The following PCDHA6 variants were observed in gnomAD, a reference collection of about 807,000 sequenced individuals.
PCDHA6 encodes the protein protocadherin alpha-6.
Under a neutral mutation model 60.3 loss-of-function variants are expected in PCDHA6, and 55 were observed. That is an observed-to-expected ratio of 0.91 (90% CI 0.73 to 1.14). PCDHA6 has a LOEUF of 1.14. Among genes scored for constraint, PCDHA6 ranks in the 50% most tolerant of loss-of-function variants. The pLI is 0.00. For synonymous variants in PCDHA6, 652 were observed against 557.9 expected, an observed-to-expected ratio of 1.17 and a Z score of -2.38; for missense variants, 1,327 against 1,256.5, an observed-to-expected ratio of 1.06 and a Z score of -0.85.
At chr5:140,995,390 C>A (rs1198231096) in intron 3 of PCDHA6, among the ~76,000 whole-genome samples, 1 of 152,088 alleles carries the variant, frequency 6.6e-6, no homozygotes, top group Non-Finnish European at 1.5e-5. Flanking sequence ...CAGGATAAAG[C>A]GGGATGGCTC....
At chr5:140,836,193 A>T (rs1774273849) in intron 1 of PCDHA6, 10 of 1,613,716 alleles carry the variant, frequency 6.2e-6, no homozygotes, top group Non-Finnish European at 8.5e-6. Context: ...CTCAGGCTAC[A>T]ACGCGTGGCT....
chr5:140,835,557 C>T, intron 1 of PCDHA6: 2 of 1,613,936 alleles, frequency 1.2e-6, no homozygotes, highest in Admixed American at 1.7e-5. Context: ...CCTGACGCCC[C>T]GCGTTCCCTT....
intron 1 of PCDHA6, among the ~76,000 whole-genome samples, chr5:140,893,569 A>G (rs750933580): frequency 3.3e-5 from 5 of 152,120 alleles, no homozygotes; most frequent in Non-Finnish European, 7.4e-5. Flanking sequence ...GTACTTCCTC[A>G]GTTTTTGCTT....
chr5:140,970,019 A>G (rs1385793747), intron 1 of PCDHA6, among the ~76,000 whole-genome samples: 2 of 152,212 alleles, frequency 1.3e-5, no homozygotes, highest in Non-Finnish European at 2.9e-5. Context: ...ATGGTGAGGC[A>G]GAGAGATTAA....
intron 1 of PCDHA6, among the ~76,000 whole-genome samples, chr5:140,926,017 G>C (rs1222079500): frequency 2.0e-5 from 3 of 152,050 alleles, no homozygotes; most frequent in African/African-American, 7.2e-5. Context: ...GCCAGAGTCC[G>C]GAGGCAGTTT....
At chr5:140,948,856 ATATTACTTCGGGTTTACTTT>A (rs1364138889) in intron 1 of PCDHA6, among the ~76,000 whole-genome samples, 11 of 151,588 alleles carry the variant, frequency 7.3e-5, no homozygotes, top group African/African-American at 2.7e-4. Context: ...TTGCCTTCTT[ATATTACTTCGGGTTTACTTT>A]GCTCTCTTTT....
chr5:140,834,687 T>C, intron 1 of PCDHA6: 2 of 1,614,150 alleles, frequency 1.2e-6, no homozygotes, highest in Non-Finnish European at 1.7e-6. Flanking sequence ...GAGCGCGGAG[T>C]GCAGCATCCA....
At chr5:140,834,851 C>G (rs2150227943) in intron 1 of PCDHA6, 1 of 1,610,676 alleles carries the variant, frequency 6.2e-7, no homozygotes. Context: ...CACTAGAGGG[C>G]GCGTCCGATG....
chr5:140,937,785 G>T (rs962276976), intron 1 of PCDHA6, among the ~76,000 whole-genome samples: 2 of 150,438 alleles, frequency 1.3e-5, no homozygotes, highest in African/African-American at 4.9e-5. Flanking sequence ...GGTGGCGGGC[G>T]TATGTAGTCC....
At chr5:140,914,097 A>G (rs191641220) in intron 1 of PCDHA6, among the ~76,000 whole-genome samples, 38 of 152,298 alleles carry the variant, frequency 2.5e-4, no homozygotes, top group Admixed American at 9.2e-4. Flanking sequence ...AATTTGTTCT[A>G]TAGTGCAGAT....
At chr5:140,889,387 C>G (rs1174974313) in intron 1 of PCDHA6, among the ~76,000 whole-genome samples, 1 of 151,966 alleles carries the variant, frequency 6.6e-6, no homozygotes, top group East Asian at 1.9e-4. Context: ...AAGGACCATT[C>G]AGAGTTTAAT....
intron 1 of PCDHA6, among the ~76,000 whole-genome samples, chr5:140,920,549 G>A (rs957534849): frequency 2.6e-5 from 4 of 152,120 alleles, no homozygotes; most frequent in Non-Finnish European, 5.9e-5. Flanking sequence ...TTTCACCTTC[G>A]AAGTGTGGCC....
intron 1 of PCDHA6, chr5:140,883,818 T>A (rs1349664661): frequency 6.2e-7 from 1 of 1,612,072 alleles, no homozygotes; most frequent in African/African-American, 1.3e-5. Flanking sequence ...AGCGGCAAGG[T>A]GTACGCGCTG....
chr5:140,828,253 G>A lies in PCDHA6; in HGVS notation c.162G>A (p.Leu54=). The A allele has an allele frequency of 6.2e-7, 1 of 1,613,994 alleles. No homozygotes were observed. Residue 54 remains leucine (L), a synonymous_variant, in exon 1 of 4, where the codon CTG becomes CTA. Coordinates refer to ENST00000529310, the MANE Select transcript of PCDHA6 (RefSeq NM_018909.4). ...FVGRIAQDLG[L]ELAELVPRLF... Reference sequence around the variant, plus strand: ...GCCGGATCGCGCAGGACCTGGGGCTGGAGCTGGCGGAGCTGGTGCCGCGCC... The same window carrying A: ...GCCGGATCGCGCAGGACCTGGGGCTAGAGCTGGCGGAGCTGGTGCCGCGCC...
intron 1 of PCDHA6, among the ~76,000 whole-genome samples, chr5:140,924,841 G>C (rs891279703): frequency 1.1e-4 from 17 of 151,378 alleles, no homozygotes; most frequent in South Asian, 2.1e-4. Context: ...GTTGCAGGGA[G>C]CTCAGATCGT....
chr5:140,936,545 G>A (rs1456098221), intron 1 of PCDHA6, among the ~76,000 whole-genome samples: 1 of 152,202 alleles, frequency 6.6e-6, no homozygotes, highest in African/African-American at 2.4e-5. Context: ...ATAGTGCAAT[G>A]TAGAAGTCAA....
chr5:140,955,698 T>C (rs1295764352), intron 1 of PCDHA6, among the ~76,000 whole-genome samples: 2 of 152,218 alleles, frequency 1.3e-5, no homozygotes, highest in South Asian at 2.1e-4. Context: ...TGAATGTCAA[T>C]GGAAGTTTAA....
chr5:140,944,999 G>A (rs2093721816), intron 1 of PCDHA6, among the ~76,000 whole-genome samples: 1 of 151,896 alleles, frequency 6.6e-6, no homozygotes, highest in Non-Finnish European at 1.5e-5. Context: ...TAACGGTTGT[G>A]GGTCATGAAT....
At chr5:140,880,586 G>C (rs1212732393) in intron 1 of PCDHA6, among the ~76,000 whole-genome samples, 1 of 152,206 alleles carries the variant, frequency 6.6e-6, no homozygotes, top group African/African-American at 2.4e-5. Context: ...AGAGGAAAGA[G>C]AATATGGAAG....
Sources: allele counts gnomAD v4.1 joint callset (sites outside exome capture counted in the v4.1 genomes callset), GRCh38; gene constraint gnomAD v4.1.1; transcripts MANE v1.5; gene names NCBI Gene and HGNC (gene_info 2026-07-23, HGNC 2026-07-21).